Variants in ACBD6 observed in about 807,000 individuals in gnomAD.
ACBD6 encodes the protein acyl-CoA-binding domain-containing protein 6.
ACBD6 carries 28 observed loss-of-function variants against 37.2 expected under a neutral mutation model. That is an observed-to-expected ratio of 0.75 (90% CI 0.56 to 1.03). The LOEUF is 1.03. Among genes scored for constraint, ACBD6 ranks in the 50% least tolerant of loss-of-function variants. ACBD6 has a pLI of 0.00. For missense variants in ACBD6, 340 were observed against 337.4 expected (o/e 1.01, Z -0.06); for synonymous variants, 113 against 126.8 (o/e 0.89, Z 0.73).
In ACBD6 at chr1:180,271,968, A is replaced by T. The variant is rs766381404; in HGVS notation, c.*1257T>A. The stretch of plus-strand genomic sequence containing the variant: ...AAGCAGGAGAAGGAGAGCTCTGCAG[A>T]GGACTGTGGGGTTAGTGACAGTGAG... On this transcript the variant is annotated 3_prime_UTR_variant, in exon 14 of 14. Coordinates refer to the ACBD6 transcript ENST00000642319. The T allele has an allele frequency of 6.8e-6, 11 of 1,613,074 alleles. No individual in the cohort carries two copies. In the Admixed American group the frequency reaches 1.8e-4, roughly 27 times the overall value.
At chr1:180,441,968 T>G (rs1218944687) in intron 3 of ACBD6, among the ~76,000 whole-genome samples, 2 of 152,246 alleles carry the variant, frequency 1.3e-5, no homozygotes, top group Non-Finnish European at 2.9e-5. Context: ...CTGATCTACC[T>G]CTGGGTTTTT....
At chr1:180,452,068 C>A (rs759177303) in intron 3 of ACBD6, among the ~76,000 whole-genome samples, 6 of 152,130 alleles carry the variant, frequency 3.9e-5, no homozygotes, top group Non-Finnish European at 5.9e-5. Context: ...AACAAAGACA[C>A]AACGTACCAA....
At chr1:180,412,700 C>A (rs995536170) in intron 5 of ACBD6, among the ~76,000 whole-genome samples, 10 of 152,060 alleles carry the variant, frequency 6.6e-5, no homozygotes, top group African/African-American at 2.4e-4. Flanking sequence ...ACCCCATCTC[C>A]CCAAAAAATA....
intron 10 of ACBD6, chr1:180,274,183 A>G (rs1436775894): frequency 6.2e-7 from 1 of 1,614,218 alleles, no homozygotes; most frequent in Non-Finnish European, 8.5e-7. Flanking sequence ...TTTTGTCCAC[A>G]GAGGATCAAA....
At chr1:180,451,602 T>A (rs1423545526) in intron 3 of ACBD6, among the ~76,000 whole-genome samples, 1 of 152,080 alleles carries the variant, frequency 6.6e-6, no homozygotes, top group Non-Finnish European at 1.5e-5. Flanking sequence ...CCTGAAAACA[T>A]ACTAATAAAA....
In ACBD6 at chr1:180,378,492, T is replaced by C. The variant is rs370170804; in HGVS notation, c.663+19024A>G. Among the ~76,000 whole-genome samples the C allele has an allele frequency of 3.7e-4, 56 of 152,320 alleles. No homozygotes were observed. The South Asian group carries it at 0.011, about 30-fold the overall frequency. On this transcript the variant is annotated intron_variant, in intron 6 of 7. Coordinates refer to ENST00000367595, the MANE Select transcript of ACBD6 (RefSeq NM_032360.4). ...AATGTCCTAATTTTGACAGTTATAT[T>C]ATGGTTATACAAGAAGTTAATTATT...
At chr1:180,451,951 A>G (rs536089897) in intron 3 of ACBD6, among the ~76,000 whole-genome samples, 1 of 152,310 alleles carries the variant, frequency 6.6e-6, no homozygotes, top group Non-Finnish European at 1.5e-5. Context: ...ACTAGGAAAG[A>G]CTATACTTTC....
At chr1:180,447,214 T>C (rs1394720616) in intron 3 of ACBD6, among the ~76,000 whole-genome samples, 1 of 152,202 alleles carries the variant, frequency 6.6e-6, no homozygotes, top group Admixed American at 6.5e-5. Flanking sequence ...CCTAATATTT[T>C]TTGTATATAT....
intron 3 of ACBD6, among the ~76,000 whole-genome samples, chr1:180,465,072 A>G (rs1650295467): frequency 1.3e-5 from 2 of 152,172 alleles, no homozygotes; most frequent in Admixed American, 1.3e-4. Context: ...CCAAAACCAT[A>G]AAAACCCTGG....
rs529142542 is a variant in ACBD6, at chr1:180,328,274, GGTGT to G, written c.664-13556_664-13553del. Among the ~76,000 whole-genome samples the G allele has an allele frequency of 4.0e-3, 601 of 150,192 alleles. 2 individuals are homozygous for G. Among genetic ancestry groups the G allele is most frequent in the African/African-American group, 0.014 (577 of 41,086 alleles). On this transcript the variant is annotated intron_variant, in intron 6 of 7. Transcript: ENST00000367595. ...ACATATATATGTATATTCCTGTACA[GGTGT>G]GTGTATATATATGTACACACACACA...
At chr1:180,434,045 G>A (rs1378965443) in intron 3 of ACBD6, among the ~76,000 whole-genome samples, 1 of 152,060 alleles carries the variant, frequency 6.6e-6, no homozygotes, top group South Asian at 2.1e-4. Context: ...AAAGTTCTAA[G>A]CCCTACAACC....
intron 6 of ACBD6, among the ~76,000 whole-genome samples, chr1:180,357,442 T>A (rs1368033974): frequency 6.6e-6 from 1 of 152,226 alleles, no homozygotes; most frequent in African/African-American, 2.4e-5. Context: ...TTGTTCAATT[T>A]GGATAATAAA....
chr1:180,383,591 C>T (rs1349761350), intron 6 of ACBD6, among the ~76,000 whole-genome samples: 1 of 152,174 alleles, frequency 6.6e-6, no homozygotes, highest in Non-Finnish European at 1.5e-5. Flanking sequence ...AATGACCACA[C>T]TGCCCAAAGT....
intron 6 of ACBD6, among the ~76,000 whole-genome samples, chr1:180,375,624 C>G (rs1392171262): frequency 6.6e-6 from 1 of 152,180 alleles, no homozygotes. Context: ...CTGTGCCCAG[C>G]TGGAATAGAC....
intron 6 of ACBD6, among the ~76,000 whole-genome samples, chr1:180,336,932 T>C (rs1233305960): frequency 6.6e-6 from 1 of 152,122 alleles, no homozygotes; most frequent in Admixed American, 6.5e-5. Flanking sequence ...CCTCGACACA[T>C]ACACCCTCCC....
chr1:180,337,298 A>T (rs993253894), intron 6 of ACBD6, among the ~76,000 whole-genome samples: 2 of 152,184 alleles, frequency 1.3e-5, no homozygotes, highest in African/African-American at 4.8e-5. Flanking sequence ...CAAAAAGCTT[A>T]TCCACTGTGA....
chr1:180,382,970 G>A (rs954327637), intron 6 of ACBD6, among the ~76,000 whole-genome samples: 3 of 152,138 alleles, frequency 2.0e-5, no homozygotes, highest in African/African-American at 7.2e-5. Flanking sequence ...AACAGACACA[G>A]AAAAAGCATT....
intron 4 of ACBD6, among the ~76,000 whole-genome samples, chr1:180,425,957 T>C (rs1321176231): frequency 6.6e-6 from 1 of 152,240 alleles, no homozygotes; most frequent in Non-Finnish European, 1.5e-5. Flanking sequence ...TGAAAAGATA[T>C]TTGGGAAATA....
intron 7 of ACBD6, among the ~76,000 whole-genome samples, chr1:180,305,797 G>A (rs1033583213): frequency 6.6e-6 from 1 of 152,076 alleles, no homozygotes; most frequent in African/African-American, 2.4e-5. Context: ...AAAGACACAT[G>A]CACATGTATG....
Sources: allele counts gnomAD v4.1 joint callset (sites outside exome capture counted in the v4.1 genomes callset), GRCh38; gene constraint gnomAD v4.1.1; transcripts MANE v1.5; gene names NCBI Gene and HGNC (gene_info 2026-07-23, HGNC 2026-07-21).